AGBL1: variants seen among roughly 807,000 people sequenced by gnomAD.
The protein encoded by AGBL1 is cytosolic carboxypeptidase 4.
A neutral mutation model predicts 118.9 loss-of-function variants in AGBL1; 130 were observed. The ratio of observed to expected loss-of-function variants is 1.09; its 90% confidence interval spans 0.95 to 1.26. The LOEUF is 1.26. Among genes scored for constraint, AGBL1 ranks in the 50% most tolerant of loss-of-function variants. The pLI, the probability that AGBL1 is intolerant of heterozygous loss-of-function variation, is 0.00. For synonymous variants in AGBL1, 555 were observed against 478.9 expected (o/e 1.16, Z -2.08); for missense variants, 1,584 against 1,298.1 (o/e 1.22, Z -3.38).
At chr15:86,324,333 A>G (rs538144316) in intron 17 of AGBL1, among the ~76,000 whole-genome samples, 1 of 152,320 alleles carries the variant, frequency 6.6e-6, no homozygotes, top group South Asian at 2.1e-4. Flanking sequence ...AAGACTTAAA[A>G]GAGCAAATGA....
At chr15:86,919,358 C>A (rs1301201808), downstream of AGBL1, among the ~76,000 whole-genome samples, 2 of 152,152 alleles carry the variant, frequency 1.3e-5, no homozygotes, top group South Asian at 2.1e-4. Flanking sequence ...GACAGCCTTA[C>A]CTGAGCCATG....
At chr15:87,005,050 A>C (rs1015183158) in intron 24 of AGBL1, among the ~76,000 whole-genome samples, 1 of 152,220 alleles carries the variant, frequency 6.6e-6, no homozygotes, top group Non-Finnish European at 1.5e-5. Context: ...AGTTTCTGCC[A>C]AGAGATCCAC....
intron 22 of AGBL1, among the ~76,000 whole-genome samples, chr15:86,811,977 C>CTCACTCACT (rs1237228871): frequency 6.6e-6 from 1 of 152,186 alleles, no homozygotes; most frequent in Non-Finnish European, 1.5e-5. Flanking sequence ...AAATGCCTAT[C>CTCACTCACT]TCACTCACTT....
chr15:86,241,649 C>T (rs1216288131), intron 6 of AGBL1, among the ~76,000 whole-genome samples: 1 of 152,170 alleles, frequency 6.6e-6, no homozygotes, highest in Non-Finnish European at 1.5e-5. Context: ...TGTGAAGCCT[C>T]TTTTAAAAGG....
At chr15:86,135,366 A>G (rs1050644974) in intron 1 of AGBL1, among the ~76,000 whole-genome samples, 1 of 152,220 alleles carries the variant, frequency 6.6e-6, no homozygotes, top group African/African-American at 2.4e-5. Context: ...TCTTTTCTTT[A>G]TAAATTACCC....
chr15:86,500,722 G>C (rs1030399833), intron 18 of AGBL1, among the ~76,000 whole-genome samples: 2 of 151,550 alleles, frequency 1.3e-5, no homozygotes, highest in African/African-American at 4.8e-5. Context: ...TTCTATTCTG[G>C]GTGTTTCATA....
chr15:86,303,521 G>T (rs190606854), intron 17 of AGBL1, among the ~76,000 whole-genome samples: 1 of 152,172 alleles, frequency 6.6e-6, no homozygotes, highest in East Asian at 1.9e-4. Context: ...GACTGTTGTC[G>T]GGGGATAAGA....
intron 22 of AGBL1, among the ~76,000 whole-genome samples, chr15:86,817,532 C>T (rs1214792291): frequency 2.0e-5 from 3 of 147,486 alleles, no homozygotes; most frequent in African/African-American, 7.6e-5. Context: ...TACACACACA[C>T]ACACACACAC....
At chr15:86,233,375 A>C (rs989323183) in intron 6 of AGBL1, among the ~76,000 whole-genome samples, 2 of 144,010 alleles carry the variant, frequency 1.4e-5, no homozygotes, top group East Asian at 3.9e-4. Flanking sequence ...CTTTAGTAGC[A>C]AAACCTTTTT....
chr15:86,336,349 A>G, intron 17 of AGBL1, among the ~76,000 whole-genome samples: 1 of 152,206 alleles, frequency 6.6e-6, no homozygotes. Context: ...ACTCTCTGTA[A>G]CTTGCAAGAG....
At chr15:86,964,837 T>G (rs2081033312) in intron 23 of AGBL1, among the ~76,000 whole-genome samples, 2 of 152,044 alleles carry the variant, frequency 1.3e-5, no homozygotes, top group East Asian at 1.9e-4. Context: ...TGTGTCCATG[T>G]GTTCTCATTG....
At chr15:86,210,157 G>T (rs979002206) in intron 5 of AGBL1, among the ~76,000 whole-genome samples, 1 of 152,174 alleles carries the variant, frequency 6.6e-6, no homozygotes, top group Non-Finnish European at 1.5e-5. Context: ...CTCTCTTCTG[G>T]CTTGTAGAGT....
At chr15:86,633,336 A>C in intron 21 of AGBL1, among the ~76,000 whole-genome samples, 1 of 152,184 alleles carries the variant, frequency 6.6e-6, no homozygotes, top group East Asian at 1.9e-4. Flanking sequence ...GTTTGGTTGC[A>C]CCATGAATTT....
chr15:86,692,849 A>G (rs1438179592), intron 22 of AGBL1, among the ~76,000 whole-genome samples: 4 of 152,122 alleles, frequency 2.6e-5, no homozygotes, highest in Non-Finnish European at 5.9e-5. Flanking sequence ...ATGAGTGAGA[A>G]CATACAATGT....
intron 22 of AGBL1, among the ~76,000 whole-genome samples, chr15:86,675,831 T>C (rs537120346): frequency 5.1e-4 from 78 of 152,212 alleles, no homozygotes; most frequent in Non-Finnish European, 7.8e-4. Context: ...TGAGCAGAAC[T>C]GGCATTGCTT....
At chr15:86,653,462 C>G (rs1379162384) in intron 21 of AGBL1, among the ~76,000 whole-genome samples, 1 of 152,132 alleles carries the variant, frequency 6.6e-6, no homozygotes, top group Non-Finnish European at 1.5e-5. Context: ...CACCAATAAT[C>G]CAATAAAACC....
At chr15:86,234,236 G>C (rs1227911163) in intron 6 of AGBL1, among the ~76,000 whole-genome samples, 1 of 152,012 alleles carries the variant, frequency 6.6e-6, no homozygotes, top group Non-Finnish European at 1.5e-5. Flanking sequence ...TTCCCTGTAA[G>C]CTCAGAACTC....
In AGBL1 at chr15:86,872,408, C is replaced by T. The variant is rs116056948; in HGVS notation, c.3159-34679C>T. Among the ~76,000 whole-genome samples, 524 of 152,140 alleles carry T rather than the reference C, an allele frequency of 3.4e-3. 3 individuals carry two copies. The highest frequency in any genetic ancestry group is 0.012 in the African/African-American group (499 of 41,504). The stretch of plus-strand genomic sequence containing the variant: ...CATAAATTAATGTATTGAATTCTGC[C>T]GCTAATGGTATTGCAAACCCGCTTA... On this transcript the variant is annotated intron_variant, in intron 22 of 22. Coordinates refer to ENST00000614907, the MANE Select transcript of AGBL1 (RefSeq NM_001386094.1).
intron 5 of AGBL1, among the ~76,000 whole-genome samples, chr15:86,194,436 CT>C (rs2077768751): frequency 6.6e-6 from 1 of 152,178 alleles, no homozygotes; most frequent in South Asian, 2.1e-4. Flanking sequence ...TTCCACTATC[CT>C]TGCTAGATCA....
Sources: allele counts gnomAD v4.1 joint callset (sites outside exome capture counted in the v4.1 genomes callset), GRCh38; gene constraint gnomAD v4.1.1; transcripts MANE v1.5; gene names NCBI Gene and HGNC (gene_info 2026-07-23, HGNC 2026-07-21).